The following COX19 variants were observed in gnomAD, a reference collection of about 807,000 sequenced individuals.
The protein encoded by COX19 is cytochrome c oxidase assembly protein COX19.
A neutral mutation model predicts 6.8 loss-of-function variants in COX19; 8 were observed. The ratio of observed to expected loss-of-function variants is 1.18; its 90% CI spans 0.69 to 2.12. The LOEUF is 2.12. COX19 is among the 30% of genes most tolerant of loss of function. The probability of loss-of-function intolerance (pLI) is 0.00; values close to 1 mark genes in which losing one functional copy is unlikely to be tolerated. For missense variants in COX19, 131 were observed against 104.6 expected (o/e 1.25, Z -1.10); for synonymous variants, 51 against 38.0 (o/e 1.34, Z -1.26).
chr7:972,345 C>T (rs1198546376), intron 2 of COX19, among the ~76,000 whole-genome samples: 3 of 152,168 alleles, frequency 2.0e-5, no homozygotes, highest in Non-Finnish European at 2.9e-5. Flanking sequence ...CCCAAATGTC[C>T]ACACGAATAA....
In COX19 at chr7:971,982, T is replaced by A. The variant is rs564953050; in HGVS notation, c.194+1199A>T. Among the ~76,000 whole-genome samples, 8 of 152,352 alleles carry A rather than the reference T, an allele frequency of 5.3e-5. No individual in the cohort carries two copies. The South Asian group carries it at 1.7e-3, about 32-fold the overall frequency. On this transcript the variant is annotated intron_variant, in intron 2 of 2. Transcript: ENST00000344111. ...GCGAGACCACCTGAGGCACTGGCCC[T>A]GGCTCCCTTCCTCCCAGCTGTCCTC...
intron 2 of COX19, among the ~76,000 whole-genome samples, chr7:971,186 C>T (rs1305064380): frequency 1.3e-5 from 2 of 152,204 alleles, no homozygotes; most frequent in Non-Finnish European, 2.9e-5. Flanking sequence ...AACTAATCCC[C>T]AGGACAGGAC....
rs1476789709 is a variant in COX19, at chr7:968,944, C to T, written c.*434G>A. ...TTTTTTTTTTTTCAAAGGAAATGAA[C>T]TGGCATATACGAATACAAACACGAA... On this transcript the variant is annotated 3_prime_UTR_variant, in exon 3 of 3. Transcript: ENST00000344111. 4 of 152,794 alleles carry T rather than the reference C, an allele frequency of 2.6e-5. No individual in the cohort carries two copies. The highest frequency in any genetic ancestry group is 9.7e-5 in the African/African-American group (4 of 41,214). 9.5% of individuals were successfully genotyped at this position (152,794 alleles called of 1,614,324 possible). A position where few individuals can be genotyped will look rare whatever the true frequency, so the allele number is the denominator to read the frequency against.
chr7:975,533 G>C lies in COX19; in HGVS notation c.-24C>G, dbSNP rs555525058. The C allele has an allele frequency of 5.0e-6, 8 of 1,591,096 alleles. No individual in the cohort carries two copies. Among genetic ancestry groups the C allele is most frequent in the Non-Finnish European group, 6.0e-6 (7 of 1,169,176 alleles). ...ATGTTGGCGACTCCGGAGTCTGCGA[G>C]CGCCTTGCGAGCGTACGCAGGGCGG... On this transcript the variant is annotated 5_prime_UTR_variant, in exon 1 of 3. Transcript: ENST00000344111.
At chr7:974,729 G>A (rs1263917708) in intron 1 of COX19, among the ~76,000 whole-genome samples, 2 of 151,882 alleles carry the variant, frequency 1.3e-5, no homozygotes, top group Non-Finnish European at 2.9e-5. Flanking sequence ...CCCGATCTCG[G>A]CTCACTGCAA....
chr7:974,546 G>A (rs1434638376), intron 1 of COX19, among the ~76,000 whole-genome samples: 2 of 152,226 alleles, frequency 1.3e-5, no homozygotes, highest in Non-Finnish European at 1.5e-5. Context: ...TGCAATGTAG[G>A]TGATGGTCAC....
intron 1 of COX19, among the ~76,000 whole-genome samples, chr7:974,268 A>G (rs186969173): frequency 0.16 from 24,541 of 149,628 alleles, 3,075 homozygotes; most frequent in African/African-American, 0.36. Flanking sequence ...AAAAAAAAAA[A>G]AAAATTAGCT....
At chr7:975,349 C>A in intron 1 of COX19, 79 bp downstream of exon 1, 1 of 1,134,008 alleles carries the variant, frequency 8.8e-7, no homozygotes, top group Non-Finnish European at 1.2e-6. Flanking sequence ...TAGATGCCGG[C>A]ACCCCATAGG....
chr7:972,539 G>A (rs767210315), intron 2 of COX19, among the ~76,000 whole-genome samples: 13 of 152,136 alleles, frequency 8.5e-5, no homozygotes, highest in Non-Finnish European at 1.5e-4. Flanking sequence ...GCCTCGAAAA[G>A]CAAAAATAAA....
rs1448736586 is a variant in COX19, at chr7:969,174, C to G, written c.*204G>C. On this transcript the variant is annotated 3_prime_UTR_variant, in exon 3 of 3. Transcript: ENST00000344111. Reference sequence around the variant, plus strand: ...GCTTTGCCGGGAACGCCGTCCCACTCAGGGGTTCAATGCAGAAACACCCTC... The same window carrying G: ...GCTTTGCCGGGAACGCCGTCCCACTGAGGGGTTCAATGCAGAAACACCCTC... 1.4e-5 allele frequency: 8 copies of G among 565,524 alleles called. No homozygotes were observed. The highest frequency in any genetic ancestry group is 2.2e-5 in the Non-Finnish European group (7 of 318,600). The allele number at this position is 565,524 out of a possible 1,614,324, so 35.0% of individuals were successfully genotyped here. A position where few individuals can be genotyped will look rare whatever the true frequency, so the allele number is the denominator to read the frequency against.
Position 975,459 on chromosome 7 carries a change from C to T in COX19, c.51G>A (p.Pro17=), listed in dbSNP as rs1235107725. The change falls in exon 1 of 3, where the codon CCG becomes CCA. Residue 17 remains proline (P), a synonymous_variant. Coordinates refer to ENST00000344111, the MANE Select transcript of COX19 (RefSeq NM_001031617.3). ...FGTKSFQPRP[P]DKGSFPLDHL... The stretch of plus-strand genomic sequence containing the variant: ...GATCCAGCGGGAAGCTGCCCTTGTC[C>T]GGGGGCCGCGGCTGGAAGCTCTTGG... 5 of 1,600,702 alleles carry T rather than the reference C, an allele frequency of 3.1e-6. No individual in the cohort carries two copies. In the East Asian group the frequency reaches 6.9e-5, roughly 22 times the overall value.
At chr7:970,770 GT>G (rs1459979421) in intron 2 of COX19, among the ~76,000 whole-genome samples, 1 of 151,964 alleles carries the variant, frequency 6.6e-6, no homozygotes, top group East Asian at 1.9e-4. Flanking sequence ...TAGATATAGG[GT>G]TTCACTATGT....
chr7:969,844 G>A (rs1478422499), intron 2 of COX19, among the ~76,000 whole-genome samples: 1 of 152,074 alleles, frequency 6.6e-6, no homozygotes, highest in Non-Finnish European at 1.5e-5. Flanking sequence ...AGGTGTTCAC[G>A]CCCTAATCCC....
In COX19 at chr7:967,184, C is replaced by G. The variant is rs940219740; in HGVS notation, c.*2194G>C. The G allele has an allele frequency of 3.9e-5, 6 of 152,222 alleles. No homozygotes were observed. The highest frequency in any genetic ancestry group is 1.4e-4 in the African/African-American group (6 of 41,454). 9.4% of individuals were successfully genotyped at this position (152,222 alleles called of 1,614,324 possible). On this transcript the variant is annotated 3_prime_UTR_variant, in exon 3 of 3. Transcript: ENST00000344111. ...AGTTCTGTCAGTTTTGCTGTCACAT[C>G]TCAGACTTGATCACAGGTACGTACA...
intron 1 of COX19, 124 bp downstream of exon 1, chr7:975,304 G>C: frequency 1.4e-6 from 1 of 703,970 alleles, no homozygotes; most frequent in East Asian, 3.3e-5. Context: ...GGAGGGGCGG[G>C]CCGCCGTGCC....
Position 965,233 on chromosome 7 carries a change from G to A in COX19, c.*4145C>T, listed in dbSNP as rs963465907. ...CTATTCCACTATAGTTTCATACAAA[G>A]CATATTTTTTTTTCCTCATTTCAAA... On this transcript the variant is annotated 3_prime_UTR_variant, in exon 3 of 3. Coordinates refer to ENST00000344111, the MANE Select transcript of COX19 (RefSeq NM_001031617.3). 2.6e-5 allele frequency among the ~76,000 whole-genome samples: 4 copies of A among 151,998 alleles called. No individual in the cohort carries two copies. The highest frequency in any genetic ancestry group is 9.7e-5 in the African/African-American group (4 of 41,254).
In COX19 at chr7:974,422, C is replaced by T. The variant is rs532257640; in HGVS notation, c.82+1006G>A. On this transcript the variant is annotated intron_variant, in intron 1 of 2. Transcript: ENST00000344111. ...TCCAGCCTAAGCAACAGAGTGAGAC[C>T]GTGTCTCAAAACAAAAACAATCAAA... 5.7e-4 allele frequency among the ~76,000 whole-genome samples: 86 copies of T among 152,132 alleles called. 1 individual carries two copies. The highest frequency in any genetic ancestry group is 1.9e-3 in the African/African-American group (77 of 41,534).
intron 1 of COX19, among the ~76,000 whole-genome samples, chr7:973,576 C>A (rs891191197): frequency 3.9e-5 from 6 of 152,168 alleles, no homozygotes; most frequent in Admixed American, 3.9e-4. Flanking sequence ...GAGGCTGAGG[C>A]AGGAAGATCG....
intron 1 of COX19, chr7:974,998 C>A (rs184108562): frequency 1.3e-5 from 2 of 159,584 alleles, no homozygotes; most frequent in East Asian, 3.6e-4. Context: ...ACGGAGGCAA[C>A]CCCACCGGAA....
Sources: allele counts gnomAD v4.1 joint callset (sites outside exome capture counted in the v4.1 genomes callset), GRCh38; gene constraint gnomAD v4.1.1; transcripts MANE v1.5; gene names NCBI Gene and HGNC (gene_info 2026-07-23, HGNC 2026-07-21).